The following SENP8 variants were observed in gnomAD, a reference collection of about 807,000 sequenced individuals.
SENP8 encodes sentrin-specific protease 8.
In SENP8, 10 loss-of-function variants were observed where a neutral mutation model predicts 14.4. The observed-to-expected ratio is 0.69, with a 90% confidence interval of 0.43 to 1.18. SENP8 has a LOEUF of 1.18. SENP8 is among the 50% of genes most tolerant of loss of function. The pLI is 0.00. For synonymous variants in SENP8, 94 were observed against 95.5 expected (o/e 0.98, Z 0.09); for missense variants, 202 against 249.4 (o/e 0.81, Z 1.28).
At chr15:72,124,509 T>G (rs561674989) in intron 1 of SENP8, among the ~76,000 whole-genome samples, 1 of 152,360 alleles carries the variant, frequency 6.6e-6, no homozygotes, top group African/African-American at 2.4e-5. Context: ...GATGTGATTC[T>G]TTTTGTGAAA....
chr15:72,133,182 A>T (rs997077930), intron 1 of SENP8, among the ~76,000 whole-genome samples: 1 of 152,190 alleles, frequency 6.6e-6, no homozygotes, highest in Non-Finnish European at 1.5e-5. Flanking sequence ...AACAAAAGAA[A>T]AAAATATCTA....
intron 1 of SENP8, among the ~76,000 whole-genome samples, chr15:72,132,692 A>G (rs945745407): frequency 2.9e-5 from 4 of 137,896 alleles, no homozygotes; most frequent in African/African-American, 8.2e-5. Context: ...GTCTCACTCT[A>G]TCCCCCAGGC....
At chr15:72,134,860 A>T (rs532624544) in intron 1 of SENP8, 1 of 285,224 alleles carries the variant, frequency 3.5e-6, no homozygotes, top group African/African-American at 2.3e-5. Context: ...TGATGTTGGC[A>T]TTGTTGTAAG....
At chr15:72,129,368 AT>A (rs896162237) in intron 1 of SENP8, among the ~76,000 whole-genome samples, 312 of 143,962 alleles carry the variant, frequency 2.2e-3, no homozygotes, top group Middle Eastern at 3.6e-3. Context: ...ATCTCTACAA[AT>A]TTTTTTTTTT....
chr15:72,137,129 T>G (rs1216040830), intron 1 of SENP8, among the ~76,000 whole-genome samples: 2 of 152,180 alleles, frequency 1.3e-5, no homozygotes, highest in African/African-American at 4.8e-5. Flanking sequence ...GTCATCTAAT[T>G]GATAAATATT....
chr15:72,134,876 A>G (rs971381144), intron 1 of SENP8: 12 of 283,182 alleles, frequency 4.2e-5, no homozygotes, highest in Non-Finnish European at 7.7e-5. Flanking sequence ...GTAAGCAAAC[A>G]AGGGCCAGAT....
Position 72,143,357 on chromosome 15 carries a change from T to C in SENP8, c.*3095T>C, listed in dbSNP as rs2081392103. 1.3e-5 allele frequency: 2 copies of C among 152,222 alleles called. No individual in the cohort carries two copies. The highest frequency in any genetic ancestry group is 2.1e-4 in the South Asian group (1 of 4,834). The allele number at this position is 152,222 out of a possible 1,614,324, so 9.4% of individuals were successfully genotyped here. A position where few individuals can be genotyped will look rare whatever the true frequency, so the allele number is the denominator to read the frequency against. On this transcript the variant is annotated 3_prime_UTR_variant, in exon 2 of 2. Transcript: ENST00000340912. ...TCCATTTTAAGACTAACAACAAGTT[T>C]GAAAACTTAGTTTTATATTGCTATG...
rs1048542535 is a variant in SENP8 at position 72,142,078 on chromosome 15, G to A, written c.*1816G>A. ...AAAGCAATCTTTCCTAACTCCCTAC[G>A]ATTCATCTTATAAGTAAATTTATAA... On this transcript the variant is annotated 3_prime_UTR_variant, in exon 2 of 2. Coordinates refer to ENST00000340912, the MANE Select transcript of SENP8 (RefSeq NM_145204.4). 41 of 152,040 alleles carry A rather than the reference G, an allele frequency of 2.7e-4. No homozygotes were observed. Among genetic ancestry groups the A allele is most frequent in the African/African-American group, 8.7e-4 (36 of 41,380 alleles). The allele number at this position is 152,040 out of a possible 1,614,324, so 9.4% of individuals were successfully genotyped here. A position where few individuals can be genotyped will look rare whatever the true frequency, so the allele number is the denominator to read the frequency against.
chr15:72,118,962 A>T (rs2081110202), intron 1 of SENP8, among the ~76,000 whole-genome samples: 1 of 152,218 alleles, frequency 6.6e-6, no homozygotes, highest in Non-Finnish European at 1.5e-5. Flanking sequence ...ACCTGGTCAA[A>T]GAAATACGAA....
upstream of SENP8, among the ~76,000 whole-genome samples, chr15:72,116,307 G>A (rs1223036953): frequency 6.6e-6 from 1 of 152,124 alleles, no homozygotes. Context: ...GTGTGTGTAT[G>A]ACTACAAAGA....
intron 1 of SENP8, among the ~76,000 whole-genome samples, chr15:72,137,190 T>C (rs559286770): frequency 7.2e-5 from 11 of 152,002 alleles, no homozygotes; most frequent in Non-Finnish European, 1.3e-4. Flanking sequence ...AATTATTTGG[T>C]CTTCTCTACA....
upstream of SENP8, chr15:72,117,294 CA>C (rs2081024431): frequency 6.6e-6 from 1 of 152,528 alleles, no homozygotes; most frequent in Non-Finnish European, 1.5e-5. Flanking sequence ...ATGGGGGACG[CA>C]ATGGGTTAGG....
upstream of SENP8, among the ~76,000 whole-genome samples, chr15:72,115,278 A>G (rs758367741): frequency 1.3e-4 from 20 of 152,190 alleles, no homozygotes; most frequent in Non-Finnish European, 2.6e-4. Flanking sequence ...ATCTACTGCT[A>G]TCAACCCAGA....
intron 1 of SENP8, among the ~76,000 whole-genome samples, chr15:72,126,518 G>T (rs918075291): frequency 6.6e-6 from 1 of 152,178 alleles, no homozygotes; most frequent in Middle Eastern, 3.4e-3. Flanking sequence ...CCAGCTACTC[G>T]GGAGGCTGAA....
intron 1 of SENP8, among the ~76,000 whole-genome samples, chr15:72,137,295 T>C (rs749980375): frequency 8.7e-5 from 13 of 150,042 alleles, no homozygotes; most frequent in Admixed American, 3.3e-4. Context: ...AAAAAAGGCG[T>C]ATACCTTTTT....
chr15:72,123,649 T>G (rs1354094081), intron 1 of SENP8, among the ~76,000 whole-genome samples: 3 of 151,944 alleles, frequency 2.0e-5, no homozygotes, highest in Admixed American at 2.0e-4. Flanking sequence ...CAAGCAATTC[T>G]CCTGCCTCAG....
Position 72,139,747 on chromosome 15 carries a change from A to G in SENP8, c.124A>G (p.Ser42Gly), listed in dbSNP as rs1183164722. ...GTTTGCGTTTGAGTACTTTGCCAAC[A>G]GTCAGTTTCATGACTGCTCTGATCA... ...IGFAFEYFAN[S>G]QFHDCSDHVS... is the part of the protein sequence containing the mutation. Residue 42 changes from serine to glycine, a missense_variant, in exon 2 of 2, where the codon AGT becomes GGT. Transcript: ENST00000340912. The G allele has an allele frequency of 3.1e-6, 5 of 1,614,220 alleles. No homozygotes were observed. In the Admixed American group the frequency reaches 5.0e-5, roughly 16 times the overall value.
intron 1 of SENP8, among the ~76,000 whole-genome samples, chr15:72,121,508 C>T (rs1436089780): frequency 2.0e-5 from 3 of 151,586 alleles, no homozygotes; most frequent in African/African-American, 7.3e-5. Context: ...GCAGGAGGAT[C>T]ACTTGAGCCC....
upstream of SENP8, chr15:72,118,068 C>A (rs1243951184): frequency 1.3e-5 from 5 of 395,020 alleles, no homozygotes; most frequent in Non-Finnish European, 2.2e-5. Flanking sequence ...GTCCCTTATC[C>A]GCTTCGGTCG....
Sources: gnomAD v4.1 joint callset for allele counts (sites outside exome capture counted in the v4.1 genomes callset) on GRCh38, gnomAD v4.1.1 for gene constraint, MANE v1.5 for transcripts, NCBI Gene and HGNC (gene_info 2026-07-23, HGNC 2026-07-21) for gene names.